FRAS1: variants seen among roughly 807,000 people sequenced by gnomAD.
FRAS1 encodes the protein extracellular matrix organizing protein FRAS1.
In FRAS1, 290 loss-of-function variants were observed where a neutral mutation model predicts 435.2. The ratio of observed to expected loss-of-function variants is 0.67; its 90% CI spans 0.61 to 0.73. The LOEUF (loss-of-function observed/expected upper bound fraction) is 0.73. Among genes scored for constraint, FRAS1 ranks in the 30% least tolerant of loss-of-function variants. FRAS1 has a pLI of 0.00. For missense variants in FRAS1, 4,860 were observed against 5,001.5 expected (o/e 0.97, Z 0.85); for synonymous variants, 1,800 against 1,851.0 (o/e 0.97, Z 0.71).
chr4:78,125,142 C>T (rs900388839), intron 2 of FRAS1, among the ~76,000 whole-genome samples: 3 of 152,166 alleles, frequency 2.0e-5, no homozygotes, highest in Non-Finnish European at 2.9e-5. Context: ...ATAAATTTCC[C>T]TCTACACACT....
intron 2 of FRAS1, among the ~76,000 whole-genome samples, chr4:78,128,215 G>C (rs373022704): frequency 2.0e-5 from 3 of 151,914 alleles, no homozygotes; most frequent in African/African-American, 7.3e-5. Context: ...ATAAACATAC[G>C]TGTGCATGTG....
At chr4:78,432,833 T>C (rs1734268334) in intron 38 of FRAS1, among the ~76,000 whole-genome samples, 1 of 152,204 alleles carries the variant, frequency 6.6e-6, no homozygotes, top group Non-Finnish European at 1.5e-5. Context: ...GATGAGTATG[T>C]GTAGGGATGG....
intron 3 of FRAS1, among the ~76,000 whole-genome samples, chr4:78,239,436 T>C (rs1724908201): frequency 6.6e-6 from 1 of 152,220 alleles, no homozygotes; most frequent in African/African-American, 2.4e-5. Flanking sequence ...CAATAGCCTC[T>C]TAACTGGTTT....
chr4:78,098,615 G>C (rs1021376957), intron 2 of FRAS1, among the ~76,000 whole-genome samples: 5 of 152,218 alleles, frequency 3.3e-5, no homozygotes, highest in Middle Eastern at 3.4e-3. Context: ...GATCCACCAA[G>C]GTGTTGCCTG....
At chr4:78,130,776 A>AGGT (rs892125353) in intron 2 of FRAS1, among the ~76,000 whole-genome samples, 2 of 152,232 alleles carry the variant, frequency 1.3e-5, no homozygotes, top group African/African-American at 4.8e-5. Context: ...AAGAGTTGAA[A>AGGT]GGTAAAAAGC....
chr4:78,482,216 A>T (rs1351859264), intron 57 of FRAS1, among the ~76,000 whole-genome samples, 172 bp from the exon 58 acceptor site: 1 of 152,222 alleles, frequency 6.6e-6, no homozygotes, highest in African/African-American at 2.4e-5. Flanking sequence ...TGATATAAAC[A>T]TCTAAAAACA....
At chr4:78,491,021 A>G (rs1206606431) in intron 59 of FRAS1, among the ~76,000 whole-genome samples, 2 of 152,234 alleles carry the variant, frequency 1.3e-5, no homozygotes, top group African/African-American at 2.4e-5. Context: ...AAAGAATACT[A>G]TAAACACCTC....
chr4:78,539,332 T>C lies in FRAS1; in HGVS notation c.11337T>C (p.His3779=). 1 of 1,613,416 alleles carries C rather than the reference T, an allele frequency of 6.2e-7. No individual in the cohort carries two copies. Among genetic ancestry groups the C allele is most frequent in the Non-Finnish European group, 8.5e-7 (1 of 1,179,688 alleles). Residue 3779 remains histidine, a synonymous_variant, in exon 73 of 74, where the codon CAT becomes CAC. Coordinates refer to ENST00000512123, the MANE Select transcript of FRAS1 (RefSeq NM_025074.7). The part of the protein sequence containing the change: ...NQPEVTDKYF[H]DVPFEAHFAS... ...CAGAGGTAACTGATAAGTACTTCCA[T>C]GATGTGCCTTTTGAGGCTCACTTTG...
At position 78,356,186 on chromosome 4, in the gene FRAS1, TGAC is replaced by T. The variant is rs200268900; in HGVS notation, c.2423-7324_2423-7322del. 2.4e-4 allele frequency among the ~76,000 whole-genome samples: 36 copies of T among 152,306 alleles called. 1 individual carries two copies. The East Asian group carries it at 6.6e-3, about 28-fold the overall frequency. ...TCTCTTTATTATCTCCAATTGTAAC[TGAC>T]GAGACAGTTGGAAATTGTCACACAT... On this transcript the variant is annotated intron_variant, in intron 20 of 73. Transcript: ENST00000512123.
At chr4:78,202,843 T>C (rs1198715033) in intron 2 of FRAS1, among the ~76,000 whole-genome samples, 1 of 152,238 alleles carries the variant, frequency 6.6e-6, no homozygotes. Context: ...TCACTATCTA[T>C]GCACTGACTG....
chr4:78,453,548 C>T (rs1719090079), intron 47 of FRAS1, among the ~76,000 whole-genome samples: 1 of 152,184 alleles, frequency 6.6e-6, no homozygotes, highest in Non-Finnish European at 1.5e-5. Flanking sequence ...CCTGTAATCT[C>T]AGCACTTTGG....
At chr4:78,188,254 A>C (rs1048797000) in intron 2 of FRAS1, among the ~76,000 whole-genome samples, 17 of 152,166 alleles carry the variant, frequency 1.1e-4, no homozygotes, top group Admixed American at 2.6e-4. Context: ...AGAGAAACAG[A>C]ACCAGTAGGA....
chr4:78,123,817 A>ACACTGATTT (rs1250192721), intron 2 of FRAS1, among the ~76,000 whole-genome samples: 3 of 152,162 alleles, frequency 2.0e-5, no homozygotes, highest in Non-Finnish European at 2.9e-5. Context: ...TGATTTTTGC[A>ACACTGATTT]CACTGATTTT....
Position 78,223,418 on chromosome 4 carries a change from A to G in FRAS1, c.109-14092A>G, listed in dbSNP as rs564079427. Among the ~76,000 whole-genome samples, 8 of 152,340 alleles carry G rather than the reference A, an allele frequency of 5.3e-5. No individual in the cohort carries two copies. In the South Asian group the frequency reaches 1.7e-3, roughly 32 times the overall value. ...GGTTTACATGTCTGTAAAGAGTTGA[A>G]TAGCTTAATGGAAAAATAAGGAAAG... On this transcript the variant is annotated intron_variant, in intron 2 of 73. Transcript: ENST00000512123.
At chr4:78,280,278 G>GAGAC (rs1253713000) in intron 10 of FRAS1, among the ~76,000 whole-genome samples, 1 of 152,116 alleles carries the variant, frequency 6.6e-6, no homozygotes, top group African/African-American at 2.4e-5. Flanking sequence ...CTGTGATACT[G>GAGAC]AGACAGTGGC....
At chr4:78,278,787 C>G (rs747840586) in intron 10 of FRAS1, 43 bp downstream of exon 10, 3 of 1,111,610 alleles carry the variant, frequency 2.7e-6, no homozygotes, top group Admixed American at 1.9e-5. Flanking sequence ...CAAATTAATT[C>G]AAAATTAATC....
Position 78,429,078 on chromosome 4 carries a change from G to A in FRAS1, c.4712-17G>A, listed in dbSNP as rs1239478168. The A allele has an allele frequency of 5.8e-6, 9 of 1,550,804 alleles. No homozygotes were observed. Among genetic ancestry groups the A allele is most frequent in the Middle Eastern group, 1.7e-4 (1 of 6,006 alleles). Reference sequence around the variant, plus strand: ...TGTGTGTGTGTCTCTGTGTGTGTGTGCATTTATCCTTTTTAGTTTCAGATG... The same window carrying A: ...TGTGTGTGTGTCTCTGTGTGTGTGTACATTTATCCTTTTTAGTTTCAGATG... On this transcript the variant is annotated splice_polypyrimidine_tract_variant and intron_variant, in intron 35 of 73. Coordinates refer to ENST00000512123, the MANE Select transcript of FRAS1 (RefSeq NM_025074.7).
At chr4:78,277,870 G>A (rs1056753023) in intron 9 of FRAS1, among the ~76,000 whole-genome samples, 4 of 151,432 alleles carry the variant, frequency 2.6e-5, no homozygotes, top group African/African-American at 9.7e-5. Context: ...GGAGTGCAGT[G>A]GCGTGATCTC....
intron 32 of FRAS1, 102 bp downstream of exon 32, chr4:78,413,187 G>A (rs965011130): frequency 2.3e-5 from 14 of 609,506 alleles, no homozygotes; most frequent in African/African-American, 3.9e-5. Flanking sequence ...TAAGTGCCTG[G>A]CCCAGATCAC....
Sources: gnomAD v4.1 joint callset for allele counts (sites outside exome capture counted in the v4.1 genomes callset) on GRCh38, gnomAD v4.1.1 for gene constraint, MANE v1.5 for transcripts, NCBI Gene and HGNC (gene_info 2026-07-23, HGNC 2026-07-21) for gene names.